The following PPA1 variants were observed in gnomAD, a reference collection of about 807,000 sequenced individuals.
The protein encoded by PPA1 is inorganic pyrophosphatase 1.
A neutral mutation model predicts 41.8 loss-of-function variants in PPA1; 23 were observed. The observed-to-expected ratio is 0.55, with a 90% CI of 0.40 to 0.78. The LOEUF is 0.78. PPA1 is among the 30% of genes least tolerant of loss of function. The probability of loss-of-function intolerance (pLI) is 0.00; values close to 1 mark genes in which losing one functional copy is unlikely to be tolerated. For synonymous variants in PPA1, 101 were observed against 116.8 expected (o/e 0.86, Z 0.87); for missense variants, 320 against 361.6 (o/e 0.89, Z 0.93).
chr10:70,206,771 A>G (rs1046422676), intron 8 of PPA1, among the ~76,000 whole-genome samples: 1 of 149,876 alleles, frequency 6.7e-6, no homozygotes, highest in African/African-American at 2.5e-5. Context: ...TTGAATCTGG[A>G]AGGCGGAGAT....
chr10:70,209,486 G>A, intron 7 of PPA1, 72 bp downstream of exon 7: 1 of 1,491,330 alleles, frequency 6.7e-7, no homozygotes, highest in Non-Finnish European at 9.0e-7. Flanking sequence ...ATCTTTAGAT[G>A]GTAACAATAT....
intron 2 of PPA1, among the ~76,000 whole-genome samples, chr10:70,228,415 T>G (rs2136772011): frequency 6.6e-6 from 1 of 152,326 alleles, no homozygotes; most frequent in South Asian, 2.1e-4. Flanking sequence ...TTTTCCTACC[T>G]GTAGCATACC....
At chr10:70,212,675 G>A (rs918183797) in intron 6 of PPA1, among the ~76,000 whole-genome samples, 6 of 152,194 alleles carry the variant, frequency 3.9e-5, no homozygotes, top group Non-Finnish European at 2.9e-5. Flanking sequence ...AAGCAGATTA[G>A]TGGCTGCCAG....
In PPA1 at chr10:70,233,399, G is replaced by C. The variant is rs866527249; in HGVS notation, c.-72C>G. ...CACGCGGCGCCGACTGACAAGGAGA[G>C]AGCCCCACGCCTGCGCACTGCGAGC... On this transcript the variant is annotated 5_prime_UTR_variant, in exon 1 of 11. Coordinates refer to ENST00000373232, the MANE Select transcript of PPA1 (RefSeq NM_021129.4). 1.1e-5 allele frequency: 16 copies of C among 1,516,466 alleles called. No individual in the cohort carries two copies. The highest frequency in any genetic ancestry group is 4.3e-5 in the African/African-American group (3 of 70,440). 93.9% of individuals were successfully genotyped at this position (1,516,466 alleles called of 1,614,324 possible). A position where few individuals can be genotyped will look rare whatever the true frequency, so the allele number is the denominator to read the frequency against.
At chr10:70,227,167 A>G (rs1174942874) in intron 2 of PPA1, among the ~76,000 whole-genome samples, 1 of 152,218 alleles carries the variant, frequency 6.6e-6, no homozygotes, top group African/African-American at 2.4e-5. Flanking sequence ...TTTATATTTG[A>G]TCCTAAAATT....
intron 8 of PPA1, among the ~76,000 whole-genome samples, chr10:70,207,963 C>T (rs769573432): frequency 3.9e-4 from 60 of 152,110 alleles, no homozygotes; most frequent in Non-Finnish European, 7.9e-4. Flanking sequence ...GAGGCCGAGG[C>T]GGGCAGATCA....
chr10:70,216,381 A>G (rs10823495), intron 4 of PPA1, among the ~76,000 whole-genome samples: 110,658 of 151,726 alleles, frequency 0.73, 40,949 homozygotes, highest in Non-Finnish European at 0.79. Context: ...CAGCTACACA[A>G]GAGGCTGAGA....
chr10:70,221,041 TTA>T (rs372616008), intron 2 of PPA1, among the ~76,000 whole-genome samples: 75 of 64,826 alleles, frequency 1.2e-3, no homozygotes, highest in African/African-American at 5.0e-3. Flanking sequence ...TATATATAAA[TTA>T]TATATATATA....
intron 2 of PPA1, among the ~76,000 whole-genome samples, chr10:70,221,068 ATATATATATTTTTTTTT>A (rs1840158907): frequency 6.2e-5 from 1 of 16,078 alleles, no homozygotes; most frequent in Non-Finnish European, 9.0e-5. Context: ...TTATATATAT[ATATATATATTTTTTTTT>A]TTTTTTTTTT....
At chr10:70,218,055 C>G in intron 3 of PPA1, 124 bp from the exon 4 acceptor site, 1 of 897,154 alleles carries the variant, frequency 1.1e-6, no homozygotes, top group East Asian at 2.7e-5. Flanking sequence ...TATTTTATCC[C>G]TAACACTTTT....
intron 8 of PPA1, among the ~76,000 whole-genome samples, chr10:70,207,854 T>C (rs994563957): frequency 1.3e-4 from 20 of 152,196 alleles, no homozygotes; most frequent in African/African-American, 4.6e-4. Context: ...AGTTTTCCTA[T>C]ATATTAGTCA....
chr10:70,211,084 T>C (rs1242163836), intron 6 of PPA1, among the ~76,000 whole-genome samples: 1 of 152,164 alleles, frequency 6.6e-6, no homozygotes, highest in Non-Finnish European at 1.5e-5. Context: ...ATTTATAATC[T>C]GCATAAAGAA....
intron 6 of PPA1, 50 bp from the exon 7 acceptor site, chr10:70,209,735 A>C (rs1285271836): frequency 1.3e-6 from 2 of 1,513,332 alleles, no homozygotes; most frequent in African/African-American, 1.4e-5. Flanking sequence ...TTTTTTAAAA[A>C]GAAAGAAGAG....
chr10:70,219,043 G>A (rs1031761824), intron 2 of PPA1, among the ~76,000 whole-genome samples: 4 of 151,948 alleles, frequency 2.6e-5, no homozygotes, highest in Admixed American at 6.6e-5. Context: ...GATTGCTTAC[G>A]GTATAGTTCT....
intron 1 of PPA1, among the ~76,000 whole-genome samples, chr10:70,232,854 G>A (rs921329468): frequency 6.6e-6 from 1 of 150,836 alleles, no homozygotes; most frequent in Admixed American, 6.6e-5. Context: ...GGAAGTCACT[G>A]CCCCCCCCGG....
chr10:70,218,870 A>C, intron 2 of PPA1, 53 bp from the exon 3 acceptor site: 1 of 1,305,302 alleles, frequency 7.7e-7, no homozygotes, highest in Admixed American at 1.7e-5. Context: ...TTGTTCTCTG[A>C]GGGAGCATGC....
intron 6 of PPA1, 83 bp downstream of exon 6, chr10:70,213,380 C>T (rs1589892467): frequency 6.6e-7 from 1 of 1,516,380 alleles, no homozygotes; most frequent in Admixed American, 1.8e-5. Context: ...AAGGTAAGGG[C>T]TTACAATTCT....
intron 2 of PPA1, among the ~76,000 whole-genome samples, chr10:70,222,107 G>A (rs1442239074): frequency 6.6e-6 from 1 of 151,924 alleles, no homozygotes; most frequent in Non-Finnish European, 1.5e-5. Flanking sequence ...AGGCCGAGGT[G>A]GGCGGATTAT....
intron 7 of PPA1, 106 bp downstream of exon 7, chr10:70,209,452 T>C: frequency 2.9e-6 from 4 of 1,402,942 alleles, no homozygotes; most frequent in South Asian, 1.4e-5. Context: ...GACTGTGTTA[T>C]GTTTCCAGAC....
Sources: allele counts gnomAD v4.1 joint callset (sites outside exome capture counted in the v4.1 genomes callset), GRCh38; gene constraint gnomAD v4.1.1; transcripts MANE v1.5; gene names NCBI Gene and HGNC (gene_info 2026-07-23, HGNC 2026-07-21).